STARD13: variants seen among roughly 807,000 people sequenced by gnomAD.
STARD13 encodes stAR-related lipid transfer protein 13.
A neutral mutation model predicts 106.4 loss-of-function variants in STARD13; 62 were observed. The ratio of observed to expected loss-of-function variants is 0.58; its 90% CI spans 0.48 to 0.72. The LOEUF is 0.72. STARD13 is among the 30% of genes least tolerant of loss of function. STARD13 has a pLI of 0.00. For synonymous variants in STARD13, 565 were observed against 553.0 expected, an observed-to-expected ratio of 1.02 and a Z score of -0.31; for missense variants, 1,387 against 1,424.0, an observed-to-expected ratio of 0.97 and a Z score of 0.42.
the STARD13 span, among the ~76,000 whole-genome samples, chr13:33,607,538 C>T: frequency 0.1 from 15,406 of 151,846 alleles, 1,070 homozygotes; most frequent in East Asian, 0.25. Context: ...CCTGGTGATC[C>T]GCCTGCCTCA....
At chr13:33,595,874 C>T in the STARD13 span, among the ~76,000 whole-genome samples, 1 of 152,100 alleles carries the variant, frequency 6.6e-6, no homozygotes, top group Non-Finnish European at 1.5e-5. Flanking sequence ...AACAAAGAAC[C>T]ACAGCTTCTA....
chr13:33,201,853 G>T lies in STARD13; in HGVS notation c.170-34231C>A, dbSNP rs942740375. Among the ~76,000 whole-genome samples, 5 of 152,108 alleles carry T rather than the reference G, an allele frequency of 3.3e-5. No individual in the cohort carries two copies. The East Asian group carries it at 9.6e-4, about 29-fold the overall frequency. ...TCTGTGTAAAGAACCTAAAAATGGA[G>T]GCCTTATGGTCAACATAATTAGTAC... On this transcript the variant is annotated intron_variant, in intron 1 of 13. Coordinates refer to ENST00000336934, the MANE Select transcript of STARD13 (RefSeq NM_178006.4).
chr13:33,582,636 C>T, the STARD13 span, among the ~76,000 whole-genome samples: 2 of 152,150 alleles, frequency 1.3e-5, no homozygotes, highest in Non-Finnish European at 2.9e-5. Flanking sequence ...TCACCTTTGC[C>T]TTGGAGTACT....
At chr13:33,651,147 A>T in the STARD13 span, among the ~76,000 whole-genome samples, 6 of 152,232 alleles carry the variant, frequency 3.9e-5, no homozygotes, top group African/African-American at 7.2e-5. Flanking sequence ...ATTATGTTTT[A>T]AAAAGCTAGG....
chr13:33,321,180 C>A (rs2138529474), intron 1 of STARD13, among the ~76,000 whole-genome samples: 1 of 152,136 alleles, frequency 6.6e-6, no homozygotes, highest in South Asian at 2.1e-4. Flanking sequence ...ACCTAGTAAA[C>A]CTGATTTCTG....
upstream of STARD13, among the ~76,000 whole-genome samples, chr13:33,353,290 A>G (rs1342229955): frequency 6.6e-6 from 1 of 152,122 alleles, no homozygotes; most frequent in African/African-American, 2.4e-5. Flanking sequence ...CCCTTCCTCA[A>G]TGAACGTGAT....
the STARD13 span, among the ~76,000 whole-genome samples, chr13:33,489,614 T>C: frequency 6.6e-6 from 1 of 152,250 alleles, no homozygotes; most frequent in African/African-American, 2.4e-5. Flanking sequence ...TTATACTTTC[T>C]TTTCAAAGTG....
the STARD13 span, among the ~76,000 whole-genome samples, chr13:33,663,078 T>C: frequency 1.6e-4 from 24 of 152,284 alleles, no homozygotes; most frequent in African/African-American, 5.3e-4. Flanking sequence ...TATCAAACAA[T>C]ATTACTTTCT....
At chr13:33,186,076 T>G (rs1391613094) in intron 1 of STARD13, 2 of 1,602,180 alleles carry the variant, frequency 1.2e-6, no homozygotes, top group Admixed American at 3.4e-5. Flanking sequence ...CTCTCATGTT[T>G]CCGGTTGCTA....
the STARD13 span, among the ~76,000 whole-genome samples, chr13:33,671,480 C>T: frequency 6.6e-6 from 1 of 152,206 alleles, no homozygotes; most frequent in Non-Finnish European, 1.5e-5. Flanking sequence ...CACCTGTAAT[C>T]CCAACACTGA....
At chr13:33,265,568 A>G (rs1890856416) in intron 1 of STARD13, among the ~76,000 whole-genome samples, 1 of 152,190 alleles carries the variant, frequency 6.6e-6, no homozygotes, top group South Asian at 2.1e-4. Context: ...GGCAAATTTT[A>G]CTCTAAGAAT....
intron 1 of STARD13, among the ~76,000 whole-genome samples, chr13:33,237,585 A>C (rs1889255556): frequency 6.6e-6 from 1 of 152,074 alleles, no homozygotes; most frequent in Admixed American, 6.5e-5. Context: ...GTTAATCCTA[A>C]CTTTGGTGCT....
At chr13:33,382,553 C>T in the STARD13 span, among the ~76,000 whole-genome samples, 20,842 of 152,054 alleles carry the variant, frequency 0.14, 1,921 homozygotes, top group Non-Finnish European at 0.19. Flanking sequence ...TGATTCTGCT[C>T]GATATTGCAT....
chr13:33,411,831 A>G, the STARD13 span, among the ~76,000 whole-genome samples: 4 of 152,248 alleles, frequency 2.6e-5, no homozygotes, highest in Non-Finnish European at 5.9e-5. Context: ...GTGCTGAAAG[A>G]AATGGATCGT....
the STARD13 span, chr13:33,383,589 CA>C: frequency 1.0e-4 from 15 of 145,136 alleles, no homozygotes; most frequent in African/African-American, 1.5e-4. Flanking sequence ...ACTAAAAATA[CA>C]AAAAAAAAAG....
the STARD13 span, among the ~76,000 whole-genome samples, chr13:33,429,880 C>T: frequency 0.4 from 60,102 of 150,298 alleles, 12,615 homozygotes; most frequent in African/African-American, 0.53. Flanking sequence ...CCATAATAAC[C>T]TAATTGTATA....
At chr13:33,556,150 G>T in the STARD13 span, among the ~76,000 whole-genome samples, 5 of 152,202 alleles carry the variant, frequency 3.3e-5, no homozygotes, top group South Asian at 1.0e-3. Context: ...AAATTCATAA[G>T]GTAAGGTAAA....
At chr13:33,157,364 A>G (rs745665324) in intron 3 of STARD13, among the ~76,000 whole-genome samples, 9 of 152,328 alleles carry the variant, frequency 5.9e-5, no homozygotes, top group Non-Finnish European at 1.3e-4. Context: ...CTGGCCTAAC[A>G]TTAAATTGGA....
the STARD13 span, among the ~76,000 whole-genome samples, chr13:33,623,030 C>A: frequency 6.6e-6 from 1 of 151,936 alleles, no homozygotes; most frequent in African/African-American, 2.4e-5. Context: ...ACCTGGGAGG[C>A]GGAGGTTGCA....
Sources: gnomAD v4.1 joint callset for allele counts (sites outside exome capture counted in the v4.1 genomes callset) on GRCh38, gnomAD v4.1.1 for gene constraint, MANE v1.5 for transcripts, NCBI Gene and HGNC (gene_info 2026-07-23, HGNC 2026-07-21) for gene names.